FAM107A: variants seen among roughly 807,000 people sequenced by gnomAD.
The protein encoded by FAM107A is actin-associated protein FAM107A.
In FAM107A, 19 loss-of-function variants were observed where a neutral mutation model predicts 13.7. That is an observed-to-expected ratio of 1.38 (90% CI 0.97 to 2.03). The LOEUF (loss-of-function observed/expected upper bound fraction) is 2.03. Among genes scored for constraint, FAM107A ranks in the 30% most tolerant of loss-of-function variants. FAM107A has a pLI of 0.00. For synonymous variants in FAM107A, 82 were observed against 74.5 expected, an observed-to-expected ratio of 1.10 and a Z score of -0.52; for missense variants, 203 against 184.4, an observed-to-expected ratio of 1.10 and a Z score of -0.58.
Position 58,566,712 on chromosome 3 carries a change from CAG to C in FAM107A, c.328-19_328-18del, listed in dbSNP as rs1559472733. On this transcript the variant is annotated intron_variant, in intron 3 of 3. Coordinates refer to ENST00000360997, the MANE Select transcript of FAM107A (RefSeq NM_001076778.3). ...TTTTTCCAGCTGAAGGAGGGAGAAG[CAG>C]AGAGTGAAGTGGGTGGAGCTAGGGG... 6.3e-7 allele frequency: 1 copy of C among 1,592,044 alleles called. No individual in the cohort carries two copies. Among genetic ancestry groups the C allele is most frequent in the Admixed American group, 1.7e-5 (1 of 59,960 alleles).
chr3:58,602,404 C>A (rs969920250), intron 1 of FAM107A, among the ~76,000 whole-genome samples: 1 of 152,114 alleles, frequency 6.6e-6, no homozygotes, highest in Non-Finnish European at 1.5e-5. Context: ...GGGAAACGTG[C>A]GTTGAAAGCC....
upstream of FAM107A, among the ~76,000 whole-genome samples, chr3:58,578,347 C>A (rs949157840): frequency 6.6e-6 from 1 of 152,144 alleles, no homozygotes; most frequent in Admixed American, 6.5e-5. Context: ...GTAGGCAGAT[C>A]ATTTGAGGTC....
chr3:58,566,548 C>T lies in FAM107A; in HGVS notation c.*40G>A, dbSNP rs773738524. 2.0e-6 allele frequency: 3 copies of T among 1,488,388 alleles called. No homozygotes were observed. In the East Asian group the frequency reaches 6.8e-5, roughly 34 times the overall value. The allele number at this position is 1,488,388 out of a possible 1,614,324, so 92.2% of individuals were successfully genotyped here. On this transcript the variant is annotated 3_prime_UTR_variant, in exon 4 of 4. Coordinates refer to ENST00000360997, the MANE Select transcript of FAM107A (RefSeq NM_001076778.3). ...TACAGAAGGGCTGAAGGAGGCTGTCCAGGCCAGGGTGGGCAGTGGCCTGAG... is the reference window on the plus strand; with the variant it reads ...TACAGAAGGGCTGAAGGAGGCTGTCTAGGCCAGGGTGGGCAGTGGCCTGAG...
chr3:58,612,202 G>A (rs536177535), intron 1 of FAM107A, among the ~76,000 whole-genome samples: 21 of 152,136 alleles, frequency 1.4e-4, no homozygotes, highest in Non-Finnish European at 2.8e-4. Flanking sequence ...GTGAAGGAAT[G>A]AAAACAACCT....
chr3:58,574,899 G>A (rs541616690), intron 1 of FAM107A, among the ~76,000 whole-genome samples: 23 of 152,058 alleles, frequency 1.5e-4, no homozygotes, highest in Non-Finnish European at 2.6e-4. Flanking sequence ...AGAGTGCACC[G>A]GGCCACTGGG....
chr3:58,566,773 C>T (rs1577016930), intron 3 of FAM107A, 78 bp from the exon 4 acceptor site: 1 of 1,172,086 alleles, frequency 8.5e-7, no homozygotes, highest in Non-Finnish European at 1.3e-6. Flanking sequence ...GAGTTTGGAC[C>T]AAGGGCCCAC....
chr3:58,589,114 C>T, upstream of FAM107A: 1 of 815,010 alleles, frequency 1.2e-6, no homozygotes, highest in South Asian at 1.5e-5. Context: ...AAGTGGGACT[C>T]AGGGAAATTG....
intron 1 of FAM107A, among the ~76,000 whole-genome samples, chr3:58,600,665 T>G (rs1209193209): frequency 6.6e-6 from 1 of 152,212 alleles, no homozygotes; most frequent in Non-Finnish European, 1.5e-5. Context: ...ATGCGACTAT[T>G]TAAGACTTGA....
intron 1 of FAM107A, among the ~76,000 whole-genome samples, chr3:58,592,580 G>A (rs2065662694): frequency 1.3e-5 from 2 of 152,106 alleles, no homozygotes; most frequent in African/African-American, 4.8e-5. Context: ...TATACAGTCC[G>A]ATAACGGACC....
intron 1 of FAM107A, among the ~76,000 whole-genome samples, chr3:58,600,167 A>G (rs2065742047): frequency 6.6e-6 from 1 of 151,616 alleles, no homozygotes; most frequent in Non-Finnish European, 1.5e-5. Flanking sequence ...GACAGGGGAA[A>G]CCCTTTTTTG....
In FAM107A at chr3:58,566,659, G is replaced by A. The variant is rs1348360231; in HGVS notation, c.364C>T (p.Pro122Ser). 6.2e-7 allele frequency: 1 copy of A among 1,614,030 alleles called. No individual in the cohort carries two copies. The highest frequency in any genetic ancestry group is 8.5e-7 in the Non-Finnish European group (1 of 1,179,958). ...TTTTCCCTGACTTTAATAAACTCGG[G>A]GGCGTGATCCTCTTCCTTCTCTGGT... ...KPPEKEEDHAPEFIKVRENLR... is the reference protein window; with the variant it reads ...KPPEKEEDHASEFIKVRENLR... Residue 122 changes from proline (P) to serine (S), a missense_variant, in exon 4 of 4, where the codon CCC (proline) becomes TCC (serine). Physicochemically the swap from Pro to Ser is moderately conservative, Grantham distance 74. Coordinates refer to ENST00000360997, the MANE Select transcript of FAM107A (RefSeq NM_001076778.3).
chr3:58,618,147 A>G (rs1226597979), intron 1 of FAM107A, among the ~76,000 whole-genome samples: 1 of 152,172 alleles, frequency 6.6e-6, no homozygotes, highest in Non-Finnish European at 1.5e-5. Flanking sequence ...GGACTGAGTG[A>G]GGCTCAAGGG....
At chr3:58,584,300 C>T (rs568469287) in intron 1 of FAM107A, among the ~76,000 whole-genome samples, 58 of 152,270 alleles carry the variant, frequency 3.8e-4, no homozygotes, top group African/African-American at 1.3e-3. Flanking sequence ...ATAAATACAT[C>T]CCTGCACCTT....
chr3:58,583,491 G>C (rs188941436), intron 1 of FAM107A, among the ~76,000 whole-genome samples: 1 of 151,930 alleles, frequency 6.6e-6, no homozygotes, highest in Admixed American at 6.6e-5. Flanking sequence ...GCGTGGTGGC[G>C]GGAGCCTGTA....
chr3:58,616,610 G>C (rs1268278529), intron 1 of FAM107A, among the ~76,000 whole-genome samples: 2 of 150,928 alleles, frequency 1.3e-5, no homozygotes, highest in African/African-American at 4.9e-5. Flanking sequence ...ACCACCACGT[G>C]ATGACAAGGG....
In FAM107A at chr3:58,564,381, A is replaced by T. The variant is rs2063600025; in HGVS notation, c.*2207T>A. The stretch of plus-strand genomic sequence containing the variant: ...CCAGGTAGACTTCCTCTTCAATTTC[A>T]TTGGCCACACCTGATCACATAGCCA... On this transcript the variant is annotated 3_prime_UTR_variant, in exon 4 of 4. Coordinates refer to ENST00000360997, the MANE Select transcript of FAM107A (RefSeq NM_001076778.3). This position sits in a 1 kb window ranked among gnomAD's most constrained non-coding sequence, Gnocchi z 5.6. 1.3e-5 allele frequency: 2 copies of T among 152,234 alleles called. No homozygotes were observed. The highest frequency in any genetic ancestry group is 6.5e-5 in the Admixed American group (1 of 15,286). The allele number at this position is 152,234 out of a possible 1,614,324, so 9.4% of individuals were successfully genotyped here.
At chr3:58,614,936 G>T (rs56391639) in intron 1 of FAM107A, among the ~76,000 whole-genome samples, 51,807 of 152,002 alleles carry the variant, frequency 0.34, 9,355 homozygotes, top group East Asian at 0.47. Flanking sequence ...CTCCTGAGTA[G>T]CTGGGATTAC....
At chr3:58,621,285 A>G (rs898570981) in intron 1 of FAM107A, among the ~76,000 whole-genome samples, 1 of 152,090 alleles carries the variant, frequency 6.6e-6, no homozygotes, top group Non-Finnish European at 1.5e-5. Context: ...CCATGCACAG[A>G]TGTCACCTTG....
At chr3:58,626,459 C>T (rs34536537) in intron 1 of FAM107A, among the ~76,000 whole-genome samples, 28,712 of 152,128 alleles carry the variant, frequency 0.19, 2,821 homozygotes, top group Non-Finnish European at 0.2. Flanking sequence ...GGCAGTGTTC[C>T]AAACACTTTC....
Sources: allele counts gnomAD v4.1 joint callset (sites outside exome capture counted in the v4.1 genomes callset), GRCh38; gene constraint gnomAD v4.1.1; non-coding constraint Gnocchi (gnomAD v3.1); transcripts MANE v1.5; gene names NCBI Gene and HGNC (gene_info 2026-07-23, HGNC 2026-07-21).